Variants in USP34 observed in about 807,000 individuals in gnomAD.
The protein encoded by USP34 is ubiquitin specific peptidase 34.
In USP34, 70 loss-of-function variants were observed where a neutral mutation model predicts 460.3. The observed-to-expected ratio is 0.15, with a 90% confidence interval of 0.13 to 0.19. The LOEUF (loss-of-function observed/expected upper bound fraction) is 0.19, where lower values mean the gene tolerates loss of function less well. Among genes scored for constraint, USP34 ranks in the 10% least tolerant of loss-of-function variants. USP34 has a pLI of 1.00. For synonymous variants in USP34, 1,647 were observed against 1,405.3 expected, an observed-to-expected ratio of 1.17 and a Z score of -3.85; for missense variants, 3,985 against 4,236.2, an observed-to-expected ratio of 0.94 and a Z score of 1.65.
chr2:61,342,296 CTTTTT>C (rs34298126), intron 16 of USP34, among the ~76,000 whole-genome samples: 101 of 95,096 alleles, frequency 1.1e-3, no homozygotes, highest in Admixed American at 1.5e-3. Flanking sequence ...TGGCCGTTTC[CTTTTT>C]TTTTTTTTTT....
intron 1 of USP34, among the ~76,000 whole-genome samples, chr2:61,432,079 G>A (rs1165499278): frequency 6.6e-6 from 1 of 151,562 alleles, no homozygotes; most frequent in Non-Finnish European, 1.5e-5. Context: ...AGCAGCTCAC[G>A]CCTGTAATCA....
chr2:61,459,204 AAGAT>A (rs1251640453), intron 1 of USP34, among the ~76,000 whole-genome samples: 4 of 152,212 alleles, frequency 2.6e-5, no homozygotes, highest in South Asian at 2.1e-4. Context: ...AAAATAAAAA[AAGAT>A]AGCTTGGTTA....
intron 2 of USP34, among the ~76,000 whole-genome samples, chr2:61,408,492 A>G (rs1277603285): frequency 1.3e-5 from 2 of 152,174 alleles, no homozygotes; most frequent in Non-Finnish European, 2.9e-5. Flanking sequence ...CTCCAGCTTT[A>G]CAATTCTATA....
At chr2:61,189,176 T>C in intron 78 of USP34, 107 bp from the exon 79 acceptor site, 2 of 1,196,530 alleles carry the variant, frequency 1.7e-6, no homozygotes, top group Non-Finnish European at 2.3e-6. Context: ...CATTCTTTCC[T>C]AAGAATACCC....
At chr2:61,318,462 T>A (rs1690818998) in intron 22 of USP34, among the ~76,000 whole-genome samples, 1 of 152,188 alleles carries the variant, frequency 6.6e-6, no homozygotes, top group South Asian at 2.1e-4. Flanking sequence ...GTCTGTTAAG[T>A]GATTTAGTTT....
chr2:61,416,187 A>C (rs1289147110), intron 2 of USP34, among the ~76,000 whole-genome samples: 1 of 152,244 alleles, frequency 6.6e-6, no homozygotes, highest in Non-Finnish European at 1.5e-5. Context: ...CCATTGGTCC[A>C]ACAAATTTCT....
At chr2:61,367,649 A>G (rs1024826919) in intron 10 of USP34, among the ~76,000 whole-genome samples, 10 of 152,200 alleles carry the variant, frequency 6.6e-5, no homozygotes, top group African/African-American at 2.4e-4. Context: ...ATAGTAAAAG[A>G]AATAGCAACA....
At chr2:61,243,092 C>T (rs1437057790) in intron 51 of USP34, among the ~76,000 whole-genome samples, 2 of 151,952 alleles carry the variant, frequency 1.3e-5, no homozygotes, top group African/African-American at 4.8e-5. Context: ...GCAATCCGCC[C>T]GCCTCAGCCT....
At chr2:61,469,932 G>A (rs754280781) in intron 1 of USP34, among the ~76,000 whole-genome samples, 2 of 152,142 alleles carry the variant, frequency 1.3e-5, no homozygotes, top group Non-Finnish European at 2.9e-5. Context: ...CAGGTAAAAG[G>A]CCTTTCCTTC....
At chr2:61,319,390 A>G (rs1572931022) in intron 21 of USP34, 63 bp from the exon 22 acceptor site, 1 of 1,275,486 alleles carries the variant, frequency 7.8e-7, no homozygotes, top group Non-Finnish European at 1.0e-6. Flanking sequence ...AACTTCTCTT[A>G]GGCATGTGTA....
chr2:61,231,781 A>T (rs1687913004), intron 58 of USP34, among the ~76,000 whole-genome samples: 1 of 147,606 alleles, frequency 6.8e-6, no homozygotes, highest in Non-Finnish European at 1.5e-5. Flanking sequence ...CTGAGGCAAG[A>T]GGACTGCTTG....
chr2:61,221,386 C>T (rs1687581056), intron 66 of USP34, 116 bp downstream of exon 66: 34 of 902,780 alleles, frequency 3.8e-5, no homozygotes, highest in Non-Finnish European at 5.6e-5. Flanking sequence ...AAACCTGTGA[C>T]TTACTAAAAC....
intron 2 of USP34, among the ~76,000 whole-genome samples, chr2:61,410,341 AT>A (rs1377848205): frequency 1.3e-5 from 2 of 152,192 alleles, no homozygotes; most frequent in Non-Finnish European, 2.9e-5. Flanking sequence ...AGTTCACAAC[AT>A]GATTCATGCT....
At chr2:61,278,126 T>C in intron 41 of USP34, 39 bp downstream of exon 41, 1 of 1,603,412 alleles carries the variant, frequency 6.2e-7, no homozygotes, top group African/African-American at 1.3e-5. Context: ...AAAATTTCAA[T>C]CACATTTCAT....
At chr2:61,387,565 TAC>T (rs904343615) in intron 5 of USP34, among the ~76,000 whole-genome samples, 36 of 146,234 alleles carry the variant, frequency 2.5e-4, no homozygotes, top group Middle Eastern at 3.6e-3. Flanking sequence ...TATTTATATA[TAC>T]ACACATATAT....
rs531028334 is a variant in USP34, at chr2:61,261,618, T to C, written c.5779-1842A>G. ...TGTGAATGTATTTAATCCCATCAAC[T>C]GTATATATGTATAAATGGTTAAAAT... On this transcript the variant is annotated intron_variant, in intron 43 of 79. Coordinates refer to ENST00000398571, the MANE Select transcript of USP34 (RefSeq NM_014709.4). Among the ~76,000 whole-genome samples, 9 of 152,344 alleles carry C rather than the reference T, an allele frequency of 5.9e-5. No individual in the cohort carries two copies. In the South Asian group the frequency reaches 1.9e-3, roughly 32 times the overall value.
intron 76 of USP34, among the ~76,000 whole-genome samples, chr2:61,191,546 C>CGGTA (rs1686643118): frequency 6.6e-6 from 1 of 152,178 alleles, no homozygotes; most frequent in Non-Finnish European, 1.5e-5. Flanking sequence ...CTTGGTCTAC[C>CGGTA]AGTCACAGCC....
intron 18 of USP34, among the ~76,000 whole-genome samples, chr2:61,338,365 T>C (rs563679231): frequency 1.3e-5 from 2 of 152,316 alleles, no homozygotes; most frequent in Admixed American, 6.5e-5. Context: ...CTGATTCATT[T>C]ACAAAGTTCT....
At chr2:61,354,343 A>C (rs939530859) in intron 10 of USP34, among the ~76,000 whole-genome samples, 1 of 152,240 alleles carries the variant, frequency 6.6e-6, no homozygotes. Flanking sequence ...CAATGAGCTG[A>C]TATATTCAAG....
Sources: gnomAD v4.1 joint callset for allele counts (sites outside exome capture counted in the v4.1 genomes callset) on GRCh38, gnomAD v4.1.1 for gene constraint, MANE v1.5 for transcripts, NCBI Gene and HGNC (gene_info 2026-07-23, HGNC 2026-07-21) for gene names.